CFAP54: variants seen among roughly 807,000 people sequenced by gnomAD.
CFAP54 encodes cilia and flagella associated protein 54, also known as cilia- and flagella-associated protein 54.
CFAP54 carries 290 observed loss-of-function variants against 370.4 expected under a neutral mutation model. That is an observed-to-expected ratio of 0.78 (90% CI 0.71 to 0.86). The LOEUF is 0.86. Ranked by LOEUF, CFAP54 falls within the 40% of genes least tolerant of loss-of-function variation. The pLI is 0.00. For missense variants in CFAP54, 3,399 were observed against 3,528.7 expected (o/e 0.96, Z 0.93); for synonymous variants, 1,206 against 1,236.5 (o/e 0.98, Z 0.52).
At chr12:96,809,534 G>C (rs1350905914) in intron 63 of CFAP54, among the ~76,000 whole-genome samples, 2 of 151,960 alleles carry the variant, frequency 1.3e-5, no homozygotes, top group Non-Finnish European at 2.9e-5. Flanking sequence ...ATACAATGTT[G>C]TCTTTCTTCT....
rs1439947591 is a variant in CFAP54 at position 96,665,519 on chromosome 12, G to T, written c.5563+1587G>T. Among the ~76,000 whole-genome samples the T allele has an allele frequency of 3.9e-5, 6 of 152,252 alleles. No homozygotes were observed. In the East Asian group the frequency reaches 1.2e-3, roughly 29 times the overall value. On this transcript the variant is annotated intron_variant, in intron 39 of 67. Transcript: ENST00000524981. ...GTATATAGTGTAAGGAAGGGGTTTA[G>T]TTTCAATCTTCTATATATGTCCAGC...
chr12:96,591,600 T>A (rs2052295), intron 23 of CFAP54, among the ~76,000 whole-genome samples: 10,364 of 151,722 alleles, frequency 0.068, 512 homozygotes, highest in Admixed American at 0.12. Context: ...TTAGAAATAT[T>A]TTTTTTTGGC....
chr12:96,782,247 T>C (rs940811704), intron 60 of CFAP54, among the ~76,000 whole-genome samples: 1 of 152,070 alleles, frequency 6.6e-6, no homozygotes, highest in Non-Finnish European at 1.5e-5. Flanking sequence ...ATGCCAAAAC[T>C]ATTCCCTTTA....
chr12:96,801,749 T>C (rs1958822241), intron 63 of CFAP54, among the ~76,000 whole-genome samples: 1 of 152,146 alleles, frequency 6.6e-6, no homozygotes, highest in African/African-American at 2.4e-5. Context: ...TCACAGCTAA[T>C]AGGGAGGAGG....
chr12:96,512,301 TTATATATATATATATATATATATATATA>T (rs1165045194), intron 4 of CFAP54, among the ~76,000 whole-genome samples: 15 of 31,136 alleles, frequency 4.8e-4, no homozygotes, highest in East Asian at 2.7e-3. Context: ...GGAACCAATT[TTATATATATATATATATATATATATATA>T]TATATATATA....
intron 66 of CFAP54, among the ~76,000 whole-genome samples, chr12:96,844,329 C>T (rs543569154): frequency 3.3e-5 from 5 of 152,064 alleles, no homozygotes; most frequent in Admixed American, 6.5e-5. Flanking sequence ...CATGTGATGA[C>T]GGAAGCAGAG....
At chr12:96,543,382 G>A (rs555760869) in intron 14 of CFAP54, among the ~76,000 whole-genome samples, 22 of 152,284 alleles carry the variant, frequency 1.4e-4, no homozygotes, top group African/African-American at 4.6e-4. Flanking sequence ...TTCCCATGAG[G>A]GACCTCTAGG....
intron 61 of CFAP54, 114 bp downstream of exon 61, chr12:96,785,004 C>G: frequency 1.2e-6 from 1 of 860,188 alleles, no homozygotes; most frequent in Non-Finnish European, 1.6e-6. Context: ...TGACTGTCAT[C>G]AGAAGATGAA....
chr12:96,571,663 A>G (rs1955918961), intron 19 of CFAP54, among the ~76,000 whole-genome samples: 1 of 152,178 alleles, frequency 6.6e-6, no homozygotes, highest in Non-Finnish European at 1.5e-5. Flanking sequence ...TCAGGTCCAT[A>G]TTGATAACAC....
chr12:96,527,567 G>C, intron 9 of CFAP54, 123 bp downstream of exon 9: 1 of 614,948 alleles, frequency 1.6e-6, no homozygotes, highest in Non-Finnish European at 2.5e-6. Flanking sequence ...TTTTTTGTTT[G>C]GTTGTTTGTT....
chr12:96,650,137 T>A, intron 35 of CFAP54, 65 bp downstream of exon 35: 1 of 1,312,182 alleles, frequency 7.6e-7, no homozygotes, highest in Non-Finnish European at 1.1e-6. Context: ...CTTGGGCGTT[T>A]AAGATACATT....
In CFAP54 at chr12:96,697,080, C is replaced by T. The variant is rs150417986; in HGVS notation, c.6352-2891C>T. 2.1e-3 allele frequency among the ~76,000 whole-genome samples: 313 copies of T among 152,296 alleles called. 1 individual carries two copies. The highest frequency in any genetic ancestry group is 7.0e-3 in the African/African-American group (292 of 41,572). ...GATTTGTCACTGTCAACACATCAAA[C>T]CTAGAAAGGGTACCAATGATCCTAT... On this transcript the variant is annotated intron_variant, in intron 45 of 67. Transcript: ENST00000524981.
intron 14 of CFAP54, among the ~76,000 whole-genome samples, chr12:96,541,287 CTTT>C (rs34387826): frequency 7.4e-6 from 1 of 135,866 alleles, no homozygotes. Context: ...CTTTCTCTCC[CTTT>C]TTTTTTTTTT....
intron 66 of CFAP54, among the ~76,000 whole-genome samples, chr12:96,832,236 A>G (rs1959173277): frequency 6.6e-6 from 1 of 151,088 alleles, no homozygotes; most frequent in African/African-American, 2.4e-5. Context: ...TCTCAGCCAC[A>G]TGGAACTATA....
At chr12:96,555,718 A>G (rs1201415589) in intron 17 of CFAP54, among the ~76,000 whole-genome samples, 2 of 151,740 alleles carry the variant, frequency 1.3e-5, no homozygotes, top group Non-Finnish European at 2.9e-5. Context: ...GCAAAAAATT[A>G]TAAGACTTTA....
intron 32 of CFAP54, 126 bp downstream of exon 32, chr12:96,630,777 C>T (rs1041378200): frequency 8.8e-6 from 4 of 456,216 alleles, no homozygotes; most frequent in Admixed American, 4.3e-5. Context: ...AAGGAACTTA[C>T]ATACTAATGA....
chr12:96,649,458 C>T (rs139965682), intron 34 of CFAP54, among the ~76,000 whole-genome samples: 7 of 152,086 alleles, frequency 4.6e-5, no homozygotes, highest in Admixed American at 4.6e-4. Context: ...TTTTTTATGC[C>T]ACACCAGGAG....
chr12:96,501,810 A>C (rs1788059398), intron 2 of CFAP54, among the ~76,000 whole-genome samples: 1 of 152,222 alleles, frequency 6.6e-6, no homozygotes, highest in South Asian at 2.1e-4. Context: ...CATAATGAAG[A>C]ACTAAGATCT....
intron 36 of CFAP54, among the ~76,000 whole-genome samples, chr12:96,654,089 C>T (rs1019598814): frequency 1.1e-4 from 17 of 152,166 alleles, no homozygotes; most frequent in Non-Finnish European, 2.2e-4. Context: ...TACTAACAAA[C>T]TTGACTTCAT....
Sources: gnomAD v4.1 joint callset for allele counts (sites outside exome capture counted in the v4.1 genomes callset) on GRCh38, gnomAD v4.1.1 for gene constraint, MANE v1.5 for transcripts, NCBI Gene and HGNC (gene_info 2026-07-23, HGNC 2026-07-21) for gene names.